Variants in PARP11 observed in about 807,000 individuals in gnomAD.
PARP11 encodes poly(ADP-ribose) polymerase family member 11.
Under a neutral mutation model 42.9 loss-of-function variants are expected in PARP11, and 31 were observed. That is an observed-to-expected ratio of 0.72 (90% CI 0.54 to 0.98). The LOEUF is 0.98. Ranked by LOEUF, PARP11 falls within the 50% of genes least tolerant of loss-of-function variation. The pLI, the probability that PARP11 is intolerant of heterozygous loss-of-function variation, is 0.00. For missense variants in PARP11, 365 were observed against 413.1 expected (o/e 0.88, Z 1.01); for synonymous variants, 137 against 127.3 (o/e 1.08, Z -0.51).
At chr12:3,858,884 G>A (rs972328533) in intron 1 of PARP11, among the ~76,000 whole-genome samples, 3 of 151,744 alleles carry the variant, frequency 2.0e-5, no homozygotes, top group Non-Finnish European at 2.9e-5. Context: ...GAGGTCAGGA[G>A]TTCAAGACCA....
At position 3,829,956 on chromosome 12, in the gene PARP11, C is replaced by T. The variant is rs762727764; in HGVS notation, c.81G>A (p.Met27Ile). 6.2e-7 allele frequency: 1 copy of T among 1,613,594 alleles called. No homozygotes were observed. Among genetic ancestry groups the T allele is most frequent in the Non-Finnish European group, 8.5e-7 (1 of 1,179,506 alleles). The change falls in exon 2 of 8, where the codon ATG becomes ATA. Residue 27 changes from methionine to isoleucine, a missense_variant. Transcript: ENST00000228820. ...SKTTNNEVDD[M>I]DTSDTQWGWF... The stretch of plus-strand genomic sequence containing the variant: ...AGCCCCACTGGGTATCTGACGTGTC[C>T]ATGTCATCCACTTCATTGTTTGTTG...
At chr12:3,814,763 C>T (rs1360642310) in intron 6 of PARP11, among the ~76,000 whole-genome samples, 1 of 148,026 alleles carries the variant, frequency 6.8e-6, no homozygotes, top group Non-Finnish European at 1.5e-5. Flanking sequence ...AAACTGAAAA[C>T]AGCCTAAAAT....
chr12:3,848,961 G>GAA (rs144422778), intron 1 of PARP11, among the ~76,000 whole-genome samples: 2 of 135,848 alleles, frequency 1.5e-5, no homozygotes, highest in Admixed American at 7.3e-5. Flanking sequence ...AACAGCAAAA[G>GAA]AAAAAAAAAA....
At chr12:3,828,284 C>T (rs1351345545) in intron 3 of PARP11, among the ~76,000 whole-genome samples, 1 of 152,186 alleles carries the variant, frequency 6.6e-6, no homozygotes, top group Admixed American at 6.5e-5. Flanking sequence ...CAAGGTGGCT[C>T]ACGCCTGTAA....
In PARP11 at chr12:3,808,898, G is replaced by A. The variant is rs896928080; in HGVS notation, c.*3225C>T. On this transcript the variant is annotated 3_prime_UTR_variant, in exon 8 of 8. Coordinates refer to ENST00000228820, the MANE Select transcript of PARP11 (RefSeq NM_020367.6). ...AGAGCTTTAATCATCACATGTAAAA[G>A]CAATACATTCATATATCAAAATTGG... 6.6e-5 allele frequency: 10 copies of A among 152,046 alleles called. No individual in the cohort carries two copies. Among genetic ancestry groups the A allele is most frequent in the Non-Finnish European group, 1.3e-4 (9 of 67,990 alleles). The allele number at this position is 152,046 out of a possible 1,614,324, so 9.4% of individuals were successfully genotyped here. A position where few individuals can be genotyped will look rare whatever the true frequency, so the allele number is the denominator to read the frequency against.
intron 1 of PARP11, among the ~76,000 whole-genome samples, chr12:3,857,637 T>G (rs1461150336): frequency 7.1e-6 from 1 of 140,856 alleles, no homozygotes; most frequent in Non-Finnish European, 1.6e-5. Context: ...ATTATTATGC[T>G]AAAAAAAAAA....
chr12:3,822,164 A>T lies in PARP11; in HGVS notation c.345-7T>A. 5.6e-6 allele frequency: 9 copies of T among 1,609,950 alleles called. No individual in the cohort carries two copies. The highest frequency in any genetic ancestry group is 7.6e-6 in the Non-Finnish European group (9 of 1,176,806). Reference sequence around the variant, plus strand: ...CTCGTTTTCACAGATGTAACTTGAAACAGCAAAAGAGAAAACAAAATATCA... The same window carrying T: ...CTCGTTTTCACAGATGTAACTTGAATCAGCAAAAGAGAAAACAAAATATCA... On this transcript the variant is annotated splice_region_variant and splice_polypyrimidine_tract_variant and intron_variant, in intron 4 of 7. Transcript: ENST00000228820.
chr12:3,830,294 A>C (rs1947609923), intron 1 of PARP11, among the ~76,000 whole-genome samples: 1 of 152,180 alleles, frequency 6.6e-6, no homozygotes, highest in African/African-American at 2.4e-5. Flanking sequence ...AACATCAATA[A>C]GCACTTCAGG....
chr12:3,858,794 T>C (rs960592591), intron 1 of PARP11, among the ~76,000 whole-genome samples: 1 of 152,074 alleles, frequency 6.6e-6, no homozygotes, highest in Non-Finnish European at 1.5e-5. Flanking sequence ...TAAGAATTTA[T>C]GTATGAATAT....
intron 1 of PARP11, among the ~76,000 whole-genome samples, chr12:3,867,006 G>A (rs1487507174): frequency 3.9e-5 from 6 of 152,130 alleles, no homozygotes; most frequent in African/African-American, 7.2e-5. Context: ...AGTATATAAG[G>A]TAAAAGTACT....
At chr12:3,850,071 G>C (rs774860049) in intron 1 of PARP11, among the ~76,000 whole-genome samples, 2 of 151,904 alleles carry the variant, frequency 1.3e-5, no homozygotes, top group African/African-American at 2.4e-5. Flanking sequence ...AGGCAGGTGG[G>C]AACAAAGCTA....
chr12:3,844,358 A>G lies in PARP11; in HGVS notation c.19-14340T>C, dbSNP rs539480251. ...AGTTGTTGAAGGTACCGCTTAAGCC[A>G]TTTCTTTCTTAACACTGGTGGCTCA... On this transcript the variant is annotated intron_variant, in intron 1 of 7. Coordinates refer to ENST00000228820, the MANE Select transcript of PARP11 (RefSeq NM_020367.6). 1.3e-4 allele frequency among the ~76,000 whole-genome samples: 20 copies of G among 152,342 alleles called. 1 individual carries two copies. The South Asian group carries it at 4.1e-3, about 32-fold the overall frequency.
At chr12:3,871,345 G>A (rs1212541504) in intron 1 of PARP11, among the ~76,000 whole-genome samples, 1 of 152,150 alleles carries the variant, frequency 6.6e-6, no homozygotes, top group Non-Finnish European at 1.5e-5. Context: ...ATATACAAGT[G>A]GTCCCAAAGA....
At position 3,812,189 on chromosome 12, in the gene PARP11, GT is replaced by G; in HGVS notation, c.950del (p.Asn317ThrfsTer18). On this transcript the variant is annotated frameshift_variant, in exon 8 of 8. Coordinates refer to ENST00000228820, the MANE Select transcript of PARP11 (RefSeq NM_020367.6). LOFTEE classifies it high-confidence loss of function. ...LYDSCVDDTW[N>X]PKIFVVFDAN... ...CATCAAAAACCACAAAGATCTTTGG[GT>G]TCCAGGTATCATCCACACAGCTGTC... is the stretch of plus-strand genomic sequence containing the variant. 1 of 1,614,032 alleles carries G rather than the reference GT, an allele frequency of 6.2e-7. No homozygotes were observed. The highest frequency in any genetic ancestry group is 1.6e-4 in the Middle Eastern group (1 of 6,062).
chr12:3,860,166 T>C (rs1242902516), intron 1 of PARP11, among the ~76,000 whole-genome samples: 1 of 152,140 alleles, frequency 6.6e-6, no homozygotes, highest in African/African-American at 2.4e-5. Context: ...AAATGATCAT[T>C]TGATAAGATT....
chr12:3,871,042 A>T (rs2138143774), intron 1 of PARP11, among the ~76,000 whole-genome samples: 1 of 152,344 alleles, frequency 6.6e-6, no homozygotes, highest in Admixed American at 6.5e-5. Flanking sequence ...TATATGATGC[A>T]CAAGAAGGAA....
At chr12:3,850,097 T>C (rs886767624) in intron 1 of PARP11, among the ~76,000 whole-genome samples, 22 of 151,890 alleles carry the variant, frequency 1.4e-4, no homozygotes, top group African/African-American at 5.1e-4. Flanking sequence ...GAGAAGGAAA[T>C]AACACCATAT....
At chr12:3,872,196 T>C (rs1484941112) in intron 1 of PARP11, among the ~76,000 whole-genome samples, 1 of 152,174 alleles carries the variant, frequency 6.6e-6, no homozygotes, top group East Asian at 1.9e-4. Context: ...CTGGGCTTCC[T>C]TCCTCAGTTT....
Position 3,840,361 on chromosome 12 carries a change from T to G in PARP11, c.19-10343A>C. The G allele has an allele frequency of 6.2e-7, 1 of 1,614,036 alleles. No homozygotes were observed. Among genetic ancestry groups the G allele is most frequent in the Non-Finnish European group, 8.5e-7 (1 of 1,179,912 alleles). ...AAAACCTTCCACTTCTGGACAAAAT[T>G]TCCATTCTGATATGGATTACAGAGG... On this transcript the variant is annotated intron_variant, in intron 1 of 7. Coordinates refer to ENST00000228820, the MANE Select transcript of PARP11 (RefSeq NM_020367.6). The surrounding 1 kb of genome is among the most constrained non-coding windows in gnomAD (Gnocchi z 4.4).
Sources: gnomAD v4.1 joint callset for allele counts (sites outside exome capture counted in the v4.1 genomes callset) on GRCh38, gnomAD v4.1.1 for gene constraint, Gnocchi (gnomAD v3.1) non-coding constraint, MANE v1.5 for transcripts, NCBI Gene and HGNC (gene_info 2026-07-23, HGNC 2026-07-21) for gene names.